The following IWS1 variants were observed in gnomAD, a reference collection of about 807,000 sequenced individuals.
IWS1 encodes interacts with SUPT6H, CTD assembly factor 1.
A neutral mutation model predicts 86.7 loss-of-function variants in IWS1; 27 were observed. The ratio of observed to expected loss-of-function variants is 0.31; its 90% CI spans 0.23 to 0.43. The LOEUF is 0.43. IWS1 is among the 20% of genes least tolerant of loss of function. The probability of loss-of-function intolerance (pLI) is 1.00; values close to 1 mark genes in which losing one functional copy is unlikely to be tolerated. For synonymous variants in IWS1, 313 were observed against 335.1 expected (o/e 0.93, Z 0.72); for missense variants, 827 against 1,000.8 (o/e 0.83, Z 2.34).
intron 2 of IWS1, among the ~76,000 whole-genome samples, chr2:127,518,689 C>T (rs1186357975): frequency 2.0e-5 from 3 of 151,730 alleles, no homozygotes; most frequent in Non-Finnish European, 4.4e-5. Context: ...CCTCAGCCTC[C>T]CGAGTAGCTG....
intron 8 of IWS1, among the ~76,000 whole-genome samples, chr2:127,494,245 T>TAAAAAAAA (rs11327472): frequency 5.3e-5 from 5 of 94,086 alleles, no homozygotes; most frequent in East Asian, 3.6e-4. Context: ...TGTCTCTAAT[T>TAAAAAAAA]AAAAAAAAAA....
At chr2:127,520,964 A>C (rs1692061359) in intron 2 of IWS1, among the ~76,000 whole-genome samples, 1 of 152,228 alleles carries the variant, frequency 6.6e-6, no homozygotes, top group Admixed American at 6.5e-5. Context: ...TGAAGAGATA[A>C]AAAATAATAC....
chr2:127,508,816 T>A (rs913115626), intron 2 of IWS1, among the ~76,000 whole-genome samples: 11 of 152,192 alleles, frequency 7.2e-5, no homozygotes, highest in Admixed American at 2.0e-4. Flanking sequence ...TATTAGAAAC[T>A]GTGACTCAAT....
In IWS1 at chr2:127,481,101, T is replaced by G; in HGVS notation, c.2403A>C (p.Lys801Asn). The G allele has an allele frequency of 6.2e-7, 1 of 1,612,968 alleles. No individual in the cohort carries two copies. Among genetic ancestry groups the G allele is most frequent in the Non-Finnish European group, 8.5e-7 (1 of 1,179,674 alleles). Residue 801 changes from lysine to asparagine, a missense_variant, in exon 14 of 14, where the codon AAA (lysine) becomes AAC (asparagine). Coordinates refer to ENST00000295321, the MANE Select transcript of IWS1 (RefSeq NM_017969.3). ...QMRKFTDIRKKSRSAHAVKIS... is the reference protein window; with the variant it reads ...QMRKFTDIRKNSRSAHAVKIS... The stretch of plus-strand genomic sequence containing the variant: ...TTTTCACTGCGTGTGCAGATCTGCT[T>G]TTTTTCCTTATATCTGTGAACTTTC...
In IWS1 at chr2:127,491,960, A is replaced by T; in HGVS notation, c.2047+11T>A. 6.4e-7 allele frequency: 1 copy of T among 1,553,092 alleles called. No homozygotes were observed. Among genetic ancestry groups the T allele is most frequent in the Non-Finnish European group, 8.9e-7 (1 of 1,124,562 alleles). ...CATAAACACAACAAACAAAAAGGAA[A>T]ATTTACATACTGATTAATTTCCCTG... On this transcript the variant is annotated intron_variant, in intron 10 of 13. Coordinates refer to ENST00000295321, the MANE Select transcript of IWS1 (RefSeq NM_017969.3).
At chr2:127,492,126 C>A in intron 9 of IWS1, 38 bp from the exon 10 acceptor site, 4 of 1,340,432 alleles carry the variant, frequency 3.0e-6, no homozygotes, top group Non-Finnish European at 4.3e-6. Flanking sequence ...ATTAATCACT[C>A]GGAAGCTGGG....
At chr2:127,482,729 T>C (rs570439930) in intron 13 of IWS1, 2 of 152,338 alleles carry the variant, frequency 1.3e-5, no homozygotes, top group Admixed American at 6.5e-5. Context: ...ACAAAATATA[T>C]GACTGGTAGT....
chr2:127,496,584 C>CACACACACAT (rs1553434114), intron 6 of IWS1, among the ~76,000 whole-genome samples: 1 of 150,062 alleles, frequency 6.7e-6, no homozygotes, highest in Non-Finnish European at 1.5e-5. Context: ...CACACACACA[C>CACACACACAT]ATTTTTTAAA....
chr2:127,502,207 G>C (rs1690859222), intron 5 of IWS1, among the ~76,000 whole-genome samples: 1 of 152,082 alleles, frequency 6.6e-6, no homozygotes, highest in Admixed American at 6.6e-5. Flanking sequence ...TAAATCTTAT[G>C]GTGCTGCTCT....
intron 10 of IWS1, among the ~76,000 whole-genome samples, chr2:127,490,411 G>A (rs943325052): frequency 3.9e-5 from 6 of 152,112 alleles, no homozygotes; most frequent in Non-Finnish European, 8.8e-5. Context: ...TTAATAGTGC[G>A]GGTGGAGACT....
intron 2 of IWS1, chr2:127,506,858 TA>T: frequency 6.2e-6 from 1 of 160,502 alleles, no homozygotes. Context: ...GCTATGGCTT[TA>T]AAATGCAGAG....
chr2:127,525,803 G>A (rs1292789762), intron 1 of IWS1, among the ~76,000 whole-genome samples: 2 of 152,222 alleles, frequency 1.3e-5, no homozygotes, highest in African/African-American at 4.8e-5. Context: ...CTAACTAGCA[G>A]TGAAAAGTCT....
upstream of IWS1, chr2:127,526,702 C>G: frequency 1.5e-6 from 2 of 1,305,678 alleles, no homozygotes; most frequent in Non-Finnish European, 2.0e-6. Context: ...TTATCATTTC[C>G]TAGATTCTGT....
chr2:127,483,598 G>GGGT (rs1689763605), intron 13 of IWS1, among the ~76,000 whole-genome samples: 2 of 21,822 alleles, frequency 9.2e-5, no homozygotes, highest in Admixed American at 6.4e-4. Context: ...GGGTGGGGGG[G>GGGT]TTGGGCTGTG....
intron 6 of IWS1, among the ~76,000 whole-genome samples, chr2:127,497,780 A>C (rs1210362563): frequency 1.3e-5 from 2 of 152,238 alleles, no homozygotes; most frequent in Non-Finnish European, 2.9e-5. Context: ...AATATGGTCA[A>C]GTAATATTTT....
At chr2:127,501,839 G>C (rs990019566) in intron 5 of IWS1, 1 of 151,580 alleles carries the variant, frequency 6.6e-6, no homozygotes, top group Non-Finnish European at 1.5e-5. Context: ...CCAGCTACTT[G>C]CACCTACCTA....
At chr2:127,493,836 C>CAAAAAAAAAAAAAAAAAAAAAAAAAAAA in intron 8 of IWS1, among the ~76,000 whole-genome samples, 1 of 93,028 alleles carries the variant, frequency 1.1e-5, no homozygotes, top group Non-Finnish European at 2.4e-5. Flanking sequence ...ACTGGCAGGA[C>CAAAAAAAAAAAAAAAAAAAAAAAAAAAA]AAAAAAAAAA....
Position 127,489,335 on chromosome 2 carries a change from GCT to G in IWS1, c.2160-102_2160-101del, listed in dbSNP as rs942709169. 1 of 757,048 alleles carries G rather than the reference GCT, an allele frequency of 1.3e-6. No homozygotes were observed. Among genetic ancestry groups the G allele is most frequent in the Non-Finnish European group, 2.3e-6 (1 of 444,082 alleles). 46.9% of individuals were successfully genotyped at this position (757,048 alleles called of 1,614,324 possible). A position where few individuals can be genotyped will look rare whatever the true frequency, so the allele number is the denominator to read the frequency against. Reference sequence around the variant, plus strand: ...CAAACTTAGACCATAACTATTAATAGCTCTTTTACGATGGATCAGGGAAAATA... The same window carrying G: ...CAAACTTAGACCATAACTATTAATAGCTTTTACGATGGATCAGGGAAAATA... On this transcript the variant is annotated intron_variant, in intron 11 of 13. Coordinates refer to ENST00000295321, the MANE Select transcript of IWS1 (RefSeq NM_017969.3). This position sits in a 1 kb window ranked among gnomAD's most constrained non-coding sequence, Gnocchi z 4.8.
At chr2:127,490,030 T>C in intron 10 of IWS1, 87 bp from the exon 11 acceptor site, 1 of 751,258 alleles carries the variant, frequency 1.3e-6, no homozygotes. Flanking sequence ...TGAGGGGATA[T>C]TCTAGACATT....
Sources: gnomAD v4.1 joint callset for allele counts (sites outside exome capture counted in the v4.1 genomes callset) on GRCh38, gnomAD v4.1.1 for gene constraint, Gnocchi (gnomAD v3.1) non-coding constraint, MANE v1.5 for transcripts, NCBI Gene and HGNC (gene_info 2026-07-23, HGNC 2026-07-21) for gene names.